ARK2C: variants seen among roughly 807,000 people sequenced by gnomAD.
The protein encoded by ARK2C is arkadia (RNF111) C-terminal like ring finger ubiquitin ligase 2C, also known as E3 ubiquitin-protein ligase ARK2C.
At chr18:46,409,747 T>C in the ARK2C span, among the ~76,000 whole-genome samples, 1 of 152,230 alleles carries the variant, frequency 6.6e-6, no homozygotes, top group East Asian at 1.9e-4. Flanking sequence ...TCAGGATAGA[T>C]GGGCCCTTCA....
the ARK2C span, among the ~76,000 whole-genome samples, chr18:46,454,768 G>T: frequency 2.0e-5 from 3 of 152,152 alleles, no homozygotes; most frequent in African/African-American, 7.2e-5. Flanking sequence ...GGGACAGAAT[G>T]AGTAATTTTC....
the ARK2C span, chr18:46,456,009 G>C: frequency 4.3e-6 from 7 of 1,613,218 alleles, no homozygotes; most frequent in Middle Eastern, 1.6e-4. Flanking sequence ...AGAAGGATGA[G>C]GGGGAGGAGT....
chr18:46,424,628 G>A, the ARK2C span, among the ~76,000 whole-genome samples: 5 of 152,118 alleles, frequency 3.3e-5, no homozygotes, highest in African/African-American at 9.7e-5. Flanking sequence ...TAGCCTCCCC[G>A]TGAATAAGAT....
chr18:46,385,162 G>T, the ARK2C span, among the ~76,000 whole-genome samples: 1 of 152,188 alleles, frequency 6.6e-6, no homozygotes, highest in South Asian at 2.1e-4. Context: ...TTGTCTGTTG[G>T]GTTAGAGAAT....
chr18:46,379,018 G>A, the ARK2C span, among the ~76,000 whole-genome samples: 2 of 152,216 alleles, frequency 1.3e-5, no homozygotes, highest in African/African-American at 4.8e-5. Context: ...GCCTGGAGTA[G>A]GGAAGGAGCG....
At chr18:46,380,802 C>G in the ARK2C span, among the ~76,000 whole-genome samples, 1 of 152,210 alleles carries the variant, frequency 6.6e-6, no homozygotes, top group Non-Finnish European at 1.5e-5. Context: ...GCTCCCCCAA[C>G]CCCCGGGGCT....
chr18:46,336,166 C>T, the ARK2C span: 6 of 985,158 alleles, frequency 6.1e-6, no homozygotes, highest in African/African-American at 5.2e-5. Flanking sequence ...CCTCTTAAAA[C>T]GGGTGTGGAA....
the ARK2C span, among the ~76,000 whole-genome samples, chr18:46,425,386 T>A: frequency 6.6e-6 from 1 of 152,194 alleles, no homozygotes; most frequent in African/African-American, 2.4e-5. Flanking sequence ...ATCCCTGGGG[T>A]AGCCCCGGGT....
At chr18:46,393,651 C>G in the ARK2C span, among the ~76,000 whole-genome samples, 3 of 152,210 alleles carry the variant, frequency 2.0e-5, no homozygotes, top group Non-Finnish European at 4.4e-5. Flanking sequence ...CTTCTCAAAC[C>G]TTGATGTATC....
the ARK2C span, among the ~76,000 whole-genome samples, chr18:46,442,109 G>A: frequency 6.7e-6 from 1 of 149,474 alleles, no homozygotes; most frequent in African/African-American, 2.5e-5. Flanking sequence ...CTTGCAGTGA[G>A]TCGAGATCGC....
At chr18:46,442,887 A>G in the ARK2C span, among the ~76,000 whole-genome samples, 1 of 152,200 alleles carries the variant, frequency 6.6e-6, no homozygotes, top group African/African-American at 2.4e-5. Context: ...TATCATTATG[A>G]AACATCCTTC....
the ARK2C span, among the ~76,000 whole-genome samples, chr18:46,425,289 G>A: frequency 6.6e-6 from 1 of 152,200 alleles, no homozygotes; most frequent in Non-Finnish European, 1.5e-5. Flanking sequence ...CCTGGAGCAG[G>A]CAGAGCTGGC....
the ARK2C span, among the ~76,000 whole-genome samples, chr18:46,338,406 C>CA: frequency 6.6e-6 from 1 of 152,240 alleles, no homozygotes; most frequent in Non-Finnish European, 1.5e-5. Flanking sequence ...GTGCCCTCTG[C>CA]AGGCTGTGAG....
the ARK2C span, among the ~76,000 whole-genome samples, chr18:46,395,923 C>T: frequency 6.6e-6 from 1 of 152,194 alleles, no homozygotes; most frequent in African/African-American, 2.4e-5. Context: ...CATTTAGGCT[C>T]ATTGGGGCTC....
At chr18:46,412,142 C>T in the ARK2C span, among the ~76,000 whole-genome samples, 1 of 152,218 alleles carries the variant, frequency 6.6e-6, no homozygotes, top group African/African-American at 2.4e-5. Context: ...AAGCACAGCC[C>T]CCTCCCCTCA....
At chr18:46,348,028 C>T in the ARK2C span, among the ~76,000 whole-genome samples, 1 of 152,280 alleles carries the variant, frequency 6.6e-6, no homozygotes, top group Non-Finnish European at 1.5e-5. Context: ...AAGCACTTTG[C>T]CTGCCTTAAA....
chr18:46,454,251 A>G, the ARK2C span, among the ~76,000 whole-genome samples: 1,218 of 152,262 alleles, frequency 8.0e-3, 15 homozygotes, highest in African/African-American at 0.027. Context: ...ATGATGGCAA[A>G]AAAATAGTAG....
chr18:46,447,390 GTC>G, the ARK2C span: 1 of 684,622 alleles, frequency 1.5e-6, no homozygotes, highest in East Asian at 2.6e-5. Flanking sequence ...CCTTCTCTGA[GTC>G]TCTGTTTCCT....
At chr18:46,435,056 C>T in the ARK2C span, among the ~76,000 whole-genome samples, 2 of 152,146 alleles carry the variant, frequency 1.3e-5, no homozygotes, top group African/African-American at 4.8e-5. Flanking sequence ...CTCTGCACAG[C>T]GGGCAGCCCG....
Sources: allele counts gnomAD v4.1 joint callset (sites outside exome capture counted in the v4.1 genomes callset), GRCh38; gene constraint gnomAD v4.1.1; transcripts MANE v1.5; gene names NCBI Gene and HGNC (gene_info 2026-07-23, HGNC 2026-07-21).